PTPRG: variants seen among roughly 807,000 people sequenced by gnomAD.
PTPRG encodes the protein receptor-type tyrosine-protein phosphatase gamma.
A neutral mutation model predicts 165.3 loss-of-function variants in PTPRG; 102 were observed. The observed-to-expected ratio is 0.62, with a 90% confidence interval of 0.53 to 0.73. PTPRG has a LOEUF of 0.73. Ranked by LOEUF, PTPRG falls within the 30% of genes least tolerant of loss-of-function variation. The pLI is 0.00. For missense variants in PTPRG, 1,866 were observed against 1,861.4 expected (o/e 1.00, Z -0.05); for synonymous variants, 675 against 669.5 (o/e 1.01, Z -0.13).
chr3:62,130,765 G>A (rs991042019), intron 5 of PTPRG, among the ~76,000 whole-genome samples: 1 of 152,114 alleles, frequency 6.6e-6, no homozygotes, highest in Non-Finnish European at 1.5e-5. Flanking sequence ...GTACAAATAC[G>A]ATGTTTCTTC....
intron 14 of PTPRG, among the ~76,000 whole-genome samples, chr3:62,241,240 G>C (rs991726068): frequency 6.6e-6 from 1 of 152,132 alleles, no homozygotes; most frequent in African/African-American, 2.4e-5. Context: ...AGACAGCGGC[G>C]GGAATGTGTT....
intron 2 of PTPRG, among the ~76,000 whole-genome samples, chr3:61,887,710 T>C (rs1381473907): frequency 7.8e-6 from 1 of 128,100 alleles, no homozygotes; most frequent in Non-Finnish European, 1.6e-5. Context: ...ATGATGGCTT[T>C]CAGTAAGTTA....
chr3:62,099,102 A>C (rs951214181), intron 5 of PTPRG, among the ~76,000 whole-genome samples: 7 of 152,148 alleles, frequency 4.6e-5, no homozygotes, highest in African/African-American at 1.2e-4. Flanking sequence ...TGAAATTCCC[A>C]TGTTTAGGAA....
chr3:62,176,473 C>T (rs1705428296), intron 8 of PTPRG, among the ~76,000 whole-genome samples: 1 of 152,104 alleles, frequency 6.6e-6, no homozygotes, highest in African/African-American at 2.4e-5. Flanking sequence ...GCAAGTGGTG[C>T]CTCTGTGTTT....
chr3:61,781,890 G>T (rs1363040654), intron 2 of PTPRG, among the ~76,000 whole-genome samples: 3 of 133,740 alleles, frequency 2.2e-5, no homozygotes, highest in South Asian at 2.5e-4. Context: ...ACCATGCCCA[G>T]TTTTTTTTTT....
chr3:62,015,193 C>G (rs2041512315), intron 4 of PTPRG, among the ~76,000 whole-genome samples: 1 of 152,228 alleles, frequency 6.6e-6, no homozygotes, highest in Non-Finnish European at 1.5e-5. Context: ...AGAGCCTTCT[C>G]TGTGGAGGGC....
intron 2 of PTPRG, among the ~76,000 whole-genome samples, chr3:61,955,989 A>G (rs1158955524): frequency 1.3e-5 from 2 of 152,160 alleles, no homozygotes; most frequent in Non-Finnish European, 2.9e-5. Context: ...TCAATTTCAG[A>G]GATAGAATTG....
chr3:62,228,544 A>G lies in PTPRG; in HGVS notation c.2289-2681A>G, dbSNP rs1438343192. Among the ~76,000 whole-genome samples the G allele has an allele frequency of 6.6e-6, 1 of 152,002 alleles. No homozygotes were observed. Among genetic ancestry groups the G allele is most frequent in the Admixed American group, 6.6e-5 (1 of 15,254 alleles). On this transcript the variant is annotated intron_variant, in intron 13 of 29. Coordinates refer to ENST00000474889, the MANE Select transcript of PTPRG (RefSeq NM_002841.4). This position sits in a 1 kb window ranked among gnomAD's most constrained non-coding sequence, Gnocchi z 4.1. ...AAAAAAAGAAAGAAAGAAAAAAGAA[A>G]AAGAAAAAGGACAAGTGCTCCAGGC...
chr3:61,859,678 G>T (rs1415310589), intron 2 of PTPRG, among the ~76,000 whole-genome samples: 1 of 151,966 alleles, frequency 6.6e-6, no homozygotes, highest in Non-Finnish European at 1.5e-5. Flanking sequence ...TTACAGAAAG[G>T]CAAGCAAATG....
At chr3:61,910,030 C>A (rs1170579774) in intron 2 of PTPRG, among the ~76,000 whole-genome samples, 2 of 152,064 alleles carry the variant, frequency 1.3e-5, no homozygotes, top group Admixed American at 6.6e-5. Flanking sequence ...ATATTCCATT[C>A]TTTTTTCCCC....
At chr3:62,283,571 CCTT>C (rs1702528709) in intron 28 of PTPRG, among the ~76,000 whole-genome samples, 1 of 152,066 alleles carries the variant, frequency 6.6e-6, no homozygotes, top group Admixed American at 6.6e-5. Context: ...AAATCACAAA[CCTT>C]TAGCCAATAT....
chr3:61,896,549 A>C (rs1205955262), intron 2 of PTPRG, among the ~76,000 whole-genome samples: 2 of 152,046 alleles, frequency 1.3e-5, no homozygotes, highest in African/African-American at 4.8e-5. Context: ...TACATTTTCT[A>C]TTTCTCTGGA....
intron 2 of PTPRG, among the ~76,000 whole-genome samples, chr3:61,894,543 C>A (rs2038301149): frequency 6.6e-6 from 1 of 152,104 alleles, no homozygotes; most frequent in South Asian, 2.1e-4. Flanking sequence ...TATTTATTTT[C>A]ATTTTTCTAA....
At position 61,711,545 on chromosome 3, in the gene PTPRG, T is replaced by C. The variant is rs1008273072; in HGVS notation, c.86-37333T>C. On this transcript the variant is annotated intron_variant, in intron 1 of 29. Coordinates refer to ENST00000474889, the MANE Select transcript of PTPRG (RefSeq NM_002841.4). Reference sequence around the variant, plus strand: ...AGTGATGATGAGCTTTCTTTCATGTTTTTTGGCTGCATAAATGTCTTCTTT... The same window carrying C: ...AGTGATGATGAGCTTTCTTTCATGTCTTTTGGCTGCATAAATGTCTTCTTT... Among the ~76,000 whole-genome samples, 7 of 152,326 alleles carry C rather than the reference T, an allele frequency of 4.6e-5. No individual in the cohort carries two copies. In the South Asian group the frequency reaches 8.3e-4, roughly 18 times the overall value.
In PTPRG at chr3:62,034,729, C is replaced by T. The variant is rs188811848; in HGVS notation, c.519+31232C>T. Among the ~76,000 whole-genome samples the T allele has an allele frequency of 2.9e-3, 438 of 152,200 alleles. 2 individuals are homozygous for T. Among genetic ancestry groups the T allele is most frequent in the African/African-American group, 0.01 (416 of 41,536 alleles). ...ACTCAAAAGAAATTTTTTAAATGTC[C>T]GTGCTGGCAGCGGACAAGGATGAAT... is the stretch of plus-strand genomic sequence containing the variant. On this transcript the variant is annotated intron_variant, in intron 4 of 29. Transcript: ENST00000474889.
chr3:62,093,867 G>C (rs550024055), intron 5 of PTPRG, among the ~76,000 whole-genome samples: 1 of 152,278 alleles, frequency 6.6e-6, no homozygotes, highest in African/African-American at 2.4e-5. Flanking sequence ...AGGGAAGAAA[G>C]ACAGCTTTTT....
At chr3:61,951,566 C>G (rs1303960637) in intron 2 of PTPRG, among the ~76,000 whole-genome samples, 5 of 152,194 alleles carry the variant, frequency 3.3e-5, no homozygotes, top group Admixed American at 3.3e-4. Flanking sequence ...TCCCAATCTG[C>G]TCTCTCTAGT....
intron 2 of PTPRG, among the ~76,000 whole-genome samples, chr3:61,980,356 A>G (rs1172011884): frequency 6.6e-6 from 1 of 152,220 alleles, no homozygotes; most frequent in Non-Finnish European, 1.5e-5. Flanking sequence ...TTTTTATCCC[A>G]TGACTGCTGT....
chr3:62,036,526 C>A (rs146741058), intron 4 of PTPRG, among the ~76,000 whole-genome samples: 19 of 152,268 alleles, frequency 1.2e-4, no homozygotes, highest in African/African-American at 4.3e-4. Context: ...TATGGTTTGT[C>A]ATGAAATCCA....
Sources: allele counts gnomAD v4.1 joint callset (sites outside exome capture counted in the v4.1 genomes callset), GRCh38; gene constraint gnomAD v4.1.1; non-coding constraint Gnocchi (gnomAD v3.1); transcripts MANE v1.5; gene names NCBI Gene and HGNC (gene_info 2026-07-23, HGNC 2026-07-21).